Variants in LTN1 observed in about 807,000 individuals in gnomAD.
LTN1 encodes the protein E3 ubiquitin-protein ligase listerin.
Under a neutral mutation model 201.2 loss-of-function variants are expected in LTN1, and 88 were observed. That is an observed-to-expected ratio of 0.44 (90% confidence interval 0.37 to 0.52). The LOEUF (loss-of-function observed/expected upper bound fraction) is 0.52, where lower values mean the gene tolerates loss of function less well. Ranked by LOEUF, LTN1 falls within the 20% of genes least tolerant of loss-of-function variation. The probability of loss-of-function intolerance (pLI) is 0.00; values close to 1 mark genes in which losing one functional copy is unlikely to be tolerated. For missense variants in LTN1, 1,752 were observed against 2,038.7 expected, an observed-to-expected ratio of 0.86 and a Z score of 2.71; for synonymous variants, 645 against 713.5, an observed-to-expected ratio of 0.90 and a Z score of 1.53.
chr21:28,982,221 A>C lies in LTN1; in HGVS notation c.629+95T>G, dbSNP rs185058313. ...GACAGAGTGAGACTCTGTCTCAAAA[A>C]AAAAACAAAAACAAAAAGTCACATT... is the stretch of plus-strand genomic sequence containing the variant. On this transcript the variant is annotated intron_variant, in intron 5 of 29. Transcript: ENST00000361371. 1.0e-3 allele frequency: 1,213 copies of C among 1,171,746 alleles called. 12 individuals are homozygous for C. In the African/African-American group the frequency reaches 0.014, roughly 13 times the overall value. 72.6% of individuals were successfully genotyped at this position (1,171,746 alleles called of 1,614,324 possible). A position where few individuals can be genotyped will look rare whatever the true frequency, so the allele number is the denominator to read the frequency against.
Position 28,988,215 on chromosome 21 carries a change from C to T in LTN1, c.43-1281G>A, listed in dbSNP as rs576057956. On this transcript the variant is annotated intron_variant, in intron 1 of 29. Transcript: ENST00000361371. ...GGCAAGGTGGCTCATGCCTGTAATC[C>T]CAACACTTTGGGAGGTCAAGGCGGG... Among the ~76,000 whole-genome samples the T allele has an allele frequency of 5.9e-5, 9 of 151,632 alleles. No homozygotes were observed. The East Asian group carries it at 1.7e-3, about 29-fold the overall frequency.
chr21:28,985,588 T>C (rs2084691931), intron 3 of LTN1, among the ~76,000 whole-genome samples: 1 of 151,968 alleles, frequency 6.6e-6, no homozygotes, highest in Admixed American at 6.6e-5. Flanking sequence ...ACCTGGGTAA[T>C]TCTCCAGTAA....
chr21:28,957,313 T>A lies in LTN1; in HGVS notation c.2892+19A>T. ...CCAAACTTCAGAATGAGATATGTAC[T>A]CTTCAATTTCCAAAATACCTGCATA... On this transcript the variant is annotated intron_variant, in intron 15 of 29. Transcript: ENST00000361371. 2 of 1,568,722 alleles carry A rather than the reference T, an allele frequency of 1.3e-6. No homozygotes were observed. Among genetic ancestry groups the A allele is most frequent in the Non-Finnish European group, 1.7e-6 (2 of 1,163,690 alleles).
intron 9 of LTN1, among the ~76,000 whole-genome samples, chr21:28,968,476 T>A (rs1197381865): frequency 6.6e-6 from 1 of 152,240 alleles, no homozygotes; most frequent in Admixed American, 6.5e-5. Flanking sequence ...TCATCTCTGG[T>A]TCTAAAAGCC....
intron 11 of LTN1, chr21:28,964,723 T>G: frequency 6.4e-7 from 1 of 1,550,468 alleles, no homozygotes; most frequent in Non-Finnish European, 8.7e-7. Flanking sequence ...GAGGATTTTC[T>G]TCCACACAGA....
At position 28,947,587 on chromosome 21, in the gene LTN1, C is replaced by T. The variant is rs2084348135; in HGVS notation, c.3364G>A (p.Gly1122Ser). The T allele has an allele frequency of 6.4e-7, 1 of 1,559,150 alleles. No homozygotes were observed. Among genetic ancestry groups the T allele is most frequent in the South Asian group, 1.2e-5 (1 of 80,364 alleles). ...RKESFFPLTEGNLHTIQSLCP... is the reference protein window; with the variant it reads ...RKESFFPLTESNLHTIQSLCP... ...AGACTTTGAATGGTATGCAAATTGCCTTCAGTTAGTGGAAAAAAACTGTTT... is the reference window on the plus strand; with the variant it reads ...AGACTTTGAATGGTATGCAAATTGCTTTCAGTTAGTGGAAAAAAACTGTTT... Residue 1122 changes from glycine to serine, a missense_variant, in exon 19 of 30, where the codon GGC becomes AGC. By Grantham distance (56) the Gly-to-Ser change is moderately conservative. Around this residue, in one of 3 missense-constraint regions of LTN1, gnomAD observed 1,211 missense variants for 1,312.8 expected, o/e 0.92. Transcript: ENST00000361371.
chr21:28,989,778 G>GT (rs2084730630), intron 1 of LTN1, among the ~76,000 whole-genome samples: 1 of 152,154 alleles, frequency 6.6e-6, no homozygotes, highest in African/African-American at 2.4e-5. Flanking sequence ...GAGGCTGAGC[G>GT]TATCTTTGGG....
intron 1 of LTN1, among the ~76,000 whole-genome samples, chr21:28,988,303 C>T (rs2464623): frequency 0.14 from 21,862 of 151,746 alleles, 1,854 homozygotes; most frequent in African/African-American, 0.23. Flanking sequence ...CCTGTCTCTA[C>T]CAAAAACACA....
intron 24 of LTN1, among the ~76,000 whole-genome samples, chr21:28,942,378 G>A (rs757148467): frequency 1.3e-5 from 2 of 151,926 alleles, no homozygotes; most frequent in Non-Finnish European, 2.9e-5. Context: ...TGTCAGAATC[G>A]GCTGGTGGCG....
intron 6 of LTN1, among the ~76,000 whole-genome samples, chr21:28,973,504 A>G (rs1235242815): frequency 1.3e-5 from 2 of 152,032 alleles, no homozygotes; most frequent in African/African-American, 4.8e-5. Context: ...TATTTTATGT[A>G]TATTTTATAT....
At chr21:28,949,442 C>T (rs1257489267) in intron 18 of LTN1, among the ~76,000 whole-genome samples, 1 of 152,124 alleles carries the variant, frequency 6.6e-6, no homozygotes, top group Non-Finnish European at 1.5e-5. Context: ...TATTGTGCAA[C>T]TAATCTCCAG....
At chr21:28,992,742 G>A in intron 1 of LTN1, 22 bp downstream of exon 1, 7 of 1,613,526 alleles carry the variant, frequency 4.3e-6, no homozygotes, top group East Asian at 2.2e-5. Context: ...CTCCCGGGTC[G>A]GCCGAGCCAG....
intron 6 of LTN1, among the ~76,000 whole-genome samples, chr21:28,974,507 T>A (rs999274284): frequency 2.0e-5 from 3 of 152,288 alleles, no homozygotes; most frequent in Non-Finnish European, 4.4e-5. Context: ...GAGTAAGTGA[T>A]CCATGTAGAT....
At chr21:28,985,971 T>C (rs1163971806) in intron 3 of LTN1, among the ~76,000 whole-genome samples, 168 bp downstream of exon 3, 1 of 152,192 alleles carries the variant, frequency 6.6e-6, no homozygotes, top group Non-Finnish European at 1.5e-5. Context: ...CCAATCTCTT[T>C]TTTTATTTCC....
At chr21:28,935,809 C>T (rs185967708) in intron 26 of LTN1, among the ~76,000 whole-genome samples, 2,139 of 144,702 alleles carry the variant, frequency 0.015, 26 homozygotes, top group Non-Finnish European at 0.022. Context: ...CACTGCACTC[C>T]GGCCTGGGCG....
In LTN1 at chr21:28,941,372, T is replaced by C. The variant is rs765555600; in HGVS notation, c.4330A>G (p.Ile1444Val). Residue 1444 changes from isoleucine (I) to valine (V), a missense_variant, in exon 25 of 30, where the codon ATT becomes GTT. Coordinates refer to ENST00000361371, the MANE Select transcript of LTN1 (RefSeq NM_015565.3). ...PPAALMSLLSIQEDLLENVLG... is the reference protein window; with the variant it reads ...PPAALMSLLSVQEDLLENVLG... Reference sequence around the variant, plus strand: ...ACATTTTCTAGTAAGTCCTCTTGAATGCTAAGAAGAGACATCAGTGCTGCT... The same window carrying C: ...ACATTTTCTAGTAAGTCCTCTTGAACGCTAAGAAGAGACATCAGTGCTGCT... 26 of 1,612,998 alleles carry C rather than the reference T, an allele frequency of 1.6e-5. No homozygotes were observed. In the East Asian group the frequency reaches 4.9e-4, roughly 30 times the overall value.
chr21:28,977,040 C>G (rs2084620592), intron 6 of LTN1, among the ~76,000 whole-genome samples: 1 of 152,164 alleles, frequency 6.6e-6, no homozygotes, highest in African/African-American at 2.4e-5. Context: ...CAGGCATGAG[C>G]CACCACGCTC....
Position 28,945,809 on chromosome 21 carries a change from C to T in LTN1, c.3766G>A (p.Glu1256Lys). Residue 1256 changes from glutamate to lysine, a missense_variant and splice_region_variant, in exon 21 of 30, where the codon GAG becomes AAG. Physicochemically the swap from Glu to Lys is moderately conservative, Grantham distance 56. Transcript: ENST00000361371. ...GATGACATATCGGGTTAATTTACCT[C>T]CAACCAAGCCAACATGGAGCACATG... ...FIMCSMLAWLETTSENQALYS... is the reference protein window; with the variant it reads ...FIMCSMLAWLKTTSENQALYS... 8 of 1,612,222 alleles carry T rather than the reference C, an allele frequency of 5.0e-6. No homozygotes were observed. The highest frequency in any genetic ancestry group is 6.8e-6 in the Non-Finnish European group (8 of 1,179,056).
chr21:28,935,075 C>T (rs375380804), intron 27 of LTN1, 34 bp downstream of exon 27: 4 of 1,416,692 alleles, frequency 2.8e-6, no homozygotes, highest in East Asian at 2.3e-5. Context: ...AATATTAAAA[C>T]AACTTTTCTA....
Sources: allele counts gnomAD v4.1 joint callset (sites outside exome capture counted in the v4.1 genomes callset), GRCh38; gene constraint gnomAD v4.1.1; regional missense constraint gnomAD v4.1.1; transcripts MANE v1.5; gene names NCBI Gene and HGNC (gene_info 2026-07-23, HGNC 2026-07-21).